Variants in TRAPPC3L observed in about 807,000 individuals in gnomAD.
TRAPPC3L encodes the protein trafficking protein particle complex subunit 3-like protein.
TRAPPC3L carries 23 observed loss-of-function variants against 23.7 expected under a neutral mutation model. The observed-to-expected ratio is 0.97, with a 90% CI of 0.70 to 1.37. The LOEUF (loss-of-function observed/expected upper bound fraction) is 1.37. TRAPPC3L is among the 40% of genes most tolerant of loss of function. The pLI, the probability that TRAPPC3L is intolerant of heterozygous loss-of-function variation, is 0.00. For synonymous variants in TRAPPC3L, 81 were observed against 77.9 expected (o/e 1.04, Z -0.21); for missense variants, 212 against 216.8 (o/e 0.98, Z 0.14).
chr6:116,528,457 C>G (rs1244316158), intron 3 of TRAPPC3L, among the ~76,000 whole-genome samples: 1 of 152,198 alleles, frequency 6.6e-6, no homozygotes, highest in African/African-American at 2.4e-5. Flanking sequence ...TGGGGAGAAA[C>G]AAGCCTAAGT....
intron 1 of TRAPPC3L, among the ~76,000 whole-genome samples, chr6:116,544,179 G>GAGAGAGAGAGAT: frequency 6.6e-6 from 1 of 151,266 alleles, no homozygotes; most frequent in Non-Finnish European, 1.5e-5. Context: ...GAGAGAGAGA[G>GAGAGAGAGAGAT]AGAATGATGA....
intron 3 of TRAPPC3L, among the ~76,000 whole-genome samples, chr6:116,527,519 C>CAAAAAAA (rs34686241): frequency 2.0e-4 from 23 of 112,308 alleles, no homozygotes; most frequent in East Asian, 8.4e-4. Context: ...CGTCTCAAAA[C>CAAAAAAA]AAAAAAAAAA....
At chr6:116,525,503 A>G (rs935491455) in intron 3 of TRAPPC3L, among the ~76,000 whole-genome samples, 2 of 152,206 alleles carry the variant, frequency 1.3e-5, no homozygotes, top group Non-Finnish European at 2.9e-5. Flanking sequence ...AAAGATTTCA[A>G]ATAGTCCCCA....
At chr6:116,497,619 T>C (rs757054717) in intron 4 of TRAPPC3L, among the ~76,000 whole-genome samples, 1 of 152,140 alleles carries the variant, frequency 6.6e-6, no homozygotes, top group Non-Finnish European at 1.5e-5. Flanking sequence ...TTTACAGACA[T>C]GAATATTTGA....
chr6:116,504,235 A>G (rs1771967706), intron 3 of TRAPPC3L, among the ~76,000 whole-genome samples: 1 of 152,250 alleles, frequency 6.6e-6, no homozygotes, highest in Non-Finnish European at 1.5e-5. Context: ...AACTAACATC[A>G]GAGAATACTA....
intron 3 of TRAPPC3L, among the ~76,000 whole-genome samples, chr6:116,538,222 A>G (rs1773214607): frequency 1.3e-5 from 2 of 152,228 alleles, no homozygotes; most frequent in East Asian, 3.8e-4. Context: ...CGCTAATAAT[A>G]GACAGTAAGA....
At chr6:116,515,787 A>C (rs780189303) in intron 3 of TRAPPC3L, 4 of 1,613,998 alleles carry the variant, frequency 2.5e-6, no homozygotes, top group Non-Finnish European at 2.5e-6. Flanking sequence ...AGGAACCTGA[A>C]ATGTTTTTTT....
chr6:116,545,489 G>C lies in TRAPPC3L; in HGVS notation c.26C>G (p.Pro9Arg). The C allele has an allele frequency of 6.5e-7, 1 of 1,547,532 alleles. No individual in the cohort carries two copies. Among genetic ancestry groups the C allele is most frequent in the Non-Finnish European group, 8.7e-7 (1 of 1,144,610 alleles). MSRPAHRR[P>R]EYHKINKDLF... ...AGATCTTACTATTTTATGGTATTCTGGTCTTCGGTGTGCAGGGCGAGACAT... is the reference window on the plus strand; with the variant it reads ...AGATCTTACTATTTTATGGTATTCTCGTCTTCGGTGTGCAGGGCGAGACAT... Residue 9 changes from proline to arginine, a missense_variant, in exon 1 of 5, where the codon CCA becomes CGA. Transcript: ENST00000368602.
At chr6:116,545,130 TATATAC>T (rs1164680862) in intron 1 of TRAPPC3L, among the ~76,000 whole-genome samples, 1 of 150,888 alleles carries the variant, frequency 6.6e-6, no homozygotes, top group African/African-American at 2.4e-5. Context: ...TACATACATA[TATATAC>T]ATATACATAT....
intron 3 of TRAPPC3L, among the ~76,000 whole-genome samples, chr6:116,504,403 G>A (rs999083376): frequency 7.9e-5 from 12 of 151,906 alleles, no homozygotes; most frequent in African/African-American, 2.2e-4. Flanking sequence ...CCTACCAACC[G>A]AAAAAAGTCC....
chr6:116,512,253 T>C, intron 3 of TRAPPC3L: 2 of 1,576,474 alleles, frequency 1.3e-6, no homozygotes, highest in Non-Finnish European at 8.6e-7. Context: ...AAAGACAAAC[T>C]CGCCTTTTTC....
At chr6:116,527,565 A>G (rs978576427) in intron 3 of TRAPPC3L, among the ~76,000 whole-genome samples, 36 of 152,110 alleles carry the variant, frequency 2.4e-4, no homozygotes, top group Non-Finnish European at 5.9e-5. Flanking sequence ...TGTTAAGTAA[A>G]TGTGTATGCT....
chr6:116,514,531 G>T lies in TRAPPC3L; in HGVS notation c.241-13865C>A, dbSNP rs141552520. On this transcript the variant is annotated intron_variant, in intron 3 of 4. Coordinates refer to ENST00000368602, the MANE Select transcript of TRAPPC3L (RefSeq NM_001139444.3). ...ACATGTGTCCAGTATCATTTCATTAGGTCCATCAAATTACCCTTCAAGGTG... is the reference window on the plus strand; with the variant it reads ...ACATGTGTCCAGTATCATTTCATTATGTCCATCAAATTACCCTTCAAGGTG... Among the ~76,000 whole-genome samples the T allele has an allele frequency of 1.4e-3, 207 of 152,246 alleles. 1 individual carries two copies. Among genetic ancestry groups the T allele is most frequent in the African/African-American group, 4.9e-3 (202 of 41,570 alleles).
intron 3 of TRAPPC3L, 87 bp from the exon 4 acceptor site, chr6:116,500,753 G>T: frequency 8.5e-7 from 1 of 1,179,414 alleles, no homozygotes; most frequent in Non-Finnish European, 1.2e-6. Context: ...TCTAGGCATT[G>T]CAGCACAATG....
At chr6:116,509,654 T>C (rs991118379) in intron 3 of TRAPPC3L, among the ~76,000 whole-genome samples, 3 of 152,134 alleles carry the variant, frequency 2.0e-5, no homozygotes, top group African/African-American at 7.2e-5. Context: ...TCCCTGTCAC[T>C]CACCATATAC....
At chr6:116,531,851 T>C (rs1164264910) in intron 3 of TRAPPC3L, among the ~76,000 whole-genome samples, 1 of 149,776 alleles carries the variant, frequency 6.7e-6, no homozygotes, top group Non-Finnish European at 1.5e-5. Flanking sequence ...AAATATACAA[T>C]TTAATATAAT....
chr6:116,517,534 ACTT>A (rs1772252259), intron 3 of TRAPPC3L: 1 of 152,136 alleles, frequency 6.6e-6, no homozygotes, highest in Non-Finnish European at 1.5e-5. Context: ...CTGAATATTA[ACTT>A]CTTATTAACA....
At chr6:116,514,192 G>A (rs1020515331) in intron 3 of TRAPPC3L, among the ~76,000 whole-genome samples, 3 of 152,142 alleles carry the variant, frequency 2.0e-5, no homozygotes, top group African/African-American at 7.2e-5. Context: ...CAATGCAAAC[G>A]TCATGTGAAA....
chr6:116,538,858 A>T (rs1441744917), intron 3 of TRAPPC3L, among the ~76,000 whole-genome samples: 1 of 151,136 alleles, frequency 6.6e-6, no homozygotes, highest in African/African-American at 2.4e-5. Flanking sequence ...CAGCTTTCTG[A>T]GTTGTTGGGA....
Sources: gnomAD v4.1 joint callset for allele counts (sites outside exome capture counted in the v4.1 genomes callset) on GRCh38, gnomAD v4.1.1 for gene constraint, MANE v1.5 for transcripts, NCBI Gene and HGNC (gene_info 2026-07-23, HGNC 2026-07-21) for gene names.